Variants in SLC6A15 observed in about 807,000 individuals in gnomAD.
SLC6A15 encodes the protein solute carrier family 6 member 15.
Under a neutral mutation model 68.5 loss-of-function variants are expected in SLC6A15, and 33 were observed. That is an observed-to-expected ratio of 0.48 (90% CI 0.37 to 0.64). The LOEUF (loss-of-function observed/expected upper bound fraction) is 0.64, where lower values mean the gene tolerates loss of function less well. Among genes scored for constraint, SLC6A15 ranks in the 30% least tolerant of loss-of-function variants. SLC6A15 has a pLI of 0.00. For missense variants in SLC6A15, 747 were observed against 874.3 expected (o/e 0.85, Z 1.84); for synonymous variants, 347 against 301.0 (o/e 1.15, Z -1.58).
chr12:84,862,044 C>A, intron 11 of SLC6A15, 38 bp from the exon 12 acceptor site: 2 of 1,519,492 alleles, frequency 1.3e-6, no homozygotes, highest in East Asian at 2.3e-5. Flanking sequence ...AGTAATCTAT[C>A]TTTCTTTGCA....
At chr12:84,879,247 C>A (rs1364027984) in intron 5 of SLC6A15, among the ~76,000 whole-genome samples, 1 of 151,896 alleles carries the variant, frequency 6.6e-6, no homozygotes, top group East Asian at 1.9e-4. Context: ...ACCATCGAAC[C>A]CTACTCCAAA....
At chr12:84,906,078 T>C (rs920704426) in intron 1 of SLC6A15, among the ~76,000 whole-genome samples, 2 of 152,194 alleles carry the variant, frequency 1.3e-5, no homozygotes, top group Non-Finnish European at 2.9e-5. Flanking sequence ...AAATACCTTC[T>C]AGAGTAATAG....
Position 84,860,010 on chromosome 12 carries a change from A to G in SLC6A15, c.*1622T>C, listed in dbSNP as rs1870779465. 1 of 152,076 alleles carries G rather than the reference A, an allele frequency of 6.6e-6. No homozygotes were observed. Among genetic ancestry groups the G allele is most frequent in the Non-Finnish European group, 1.5e-5 (1 of 67,926 alleles). 9.4% of individuals were successfully genotyped at this position (152,076 alleles called of 1,614,324 possible). A position where few individuals can be genotyped will look rare whatever the true frequency, so the allele number is the denominator to read the frequency against. The stretch of plus-strand genomic sequence containing the variant: ...TTTTAGTTTTGTATAATGTGCATAT[A>G]CTGCCTATTTATAAAATATTAAACA... On this transcript the variant is annotated 3_prime_UTR_variant, in exon 12 of 12. Coordinates refer to ENST00000266682, the MANE Select transcript of SLC6A15 (RefSeq NM_182767.6).
chr12:84,905,905 G>T (rs1008006269), intron 1 of SLC6A15, among the ~76,000 whole-genome samples: 1 of 152,128 alleles, frequency 6.6e-6, no homozygotes, highest in African/African-American at 2.4e-5. Flanking sequence ...CAACCACTGT[G>T]CTCCAGTCCC....
At chr12:84,884,504 C>T (rs945863439) in intron 4 of SLC6A15, among the ~76,000 whole-genome samples, 1 of 152,008 alleles carries the variant, frequency 6.6e-6, no homozygotes, top group East Asian at 1.9e-4. Context: ...TGTTGTTTCA[C>T]CACATTGGCC....
intron 2 of SLC6A15, among the ~76,000 whole-genome samples, chr12:84,887,178 T>C (rs1006795645): frequency 6.6e-6 from 1 of 152,260 alleles, no homozygotes; most frequent in African/African-American, 2.4e-5. Flanking sequence ...TAGATACTGT[T>C]AAATGTAATG....
chr12:84,878,250 A>G (rs759035247), intron 5 of SLC6A15, among the ~76,000 whole-genome samples: 7 of 152,224 alleles, frequency 4.6e-5, no homozygotes, highest in Admixed American at 2.0e-4. Context: ...TAATTTTTTA[A>G]TAATTTCAAA....
intron 1 of SLC6A15, among the ~76,000 whole-genome samples, chr12:84,908,494 A>G (rs1300139243): frequency 6.6e-6 from 1 of 151,392 alleles, no homozygotes; most frequent in Non-Finnish European, 1.5e-5. Flanking sequence ...ATAAAACTCT[A>G]CCAAAGGTGT....
At chr12:84,888,628 G>C (rs1400204738) in intron 2 of SLC6A15, among the ~76,000 whole-genome samples, 1 of 152,040 alleles carries the variant, frequency 6.6e-6, no homozygotes, top group Non-Finnish European at 1.5e-5. Context: ...AATTGGGATG[G>C]GGGATACGGT....
In SLC6A15 at chr12:84,885,458, A is replaced by G; in HGVS notation, c.551T>C (p.Leu184Ser). ...ACAAGTGTGTGAAGCATTTTTCACC[A>G]AAGGACACTGATCCCAAGGCAGGGG... is the stretch of plus-strand genomic sequence containing the variant. ...QQPLPWDQCP[L>S]VKNASHTFVE... The change falls in exon 4 of 12, where the codon TTG becomes TCG. Residue 184 changes from leucine to serine, a missense_variant. Physicochemically the swap from Leu to Ser is moderately radical, Grantham distance 145. Transcript: ENST00000266682. The G allele has an allele frequency of 6.2e-7, 1 of 1,613,224 alleles. No individual in the cohort carries two copies. Among genetic ancestry groups the G allele is most frequent in the Non-Finnish European group, 8.5e-7 (1 of 1,179,574 alleles).
intron 4 of SLC6A15, 56 bp downstream of exon 4, chr12:84,885,379 C>G (rs922278528): frequency 1.4e-6 from 2 of 1,421,824 alleles, no homozygotes; most frequent in Non-Finnish European, 1.9e-6. Context: ...AAAGCTTGTA[C>G]CTTTGCCACT....
At chr12:84,862,452 C>CATCATTACA in intron 11 of SLC6A15, among the ~76,000 whole-genome samples, 1 of 152,126 alleles carries the variant, frequency 6.6e-6, no homozygotes, top group Non-Finnish European at 1.5e-5. Context: ...ATATATCTTT[C>CATCATTACA]TAAAATCTGG....
chr12:84,867,098 G>C lies in SLC6A15; in HGVS notation c.1591C>G (p.Leu531Val), dbSNP rs1009324775. The C allele has an allele frequency of 6.2e-7, 1 of 1,612,624 alleles. No individual in the cohort carries two copies. The highest frequency in any genetic ancestry group is 2.2e-5 in the East Asian group (1 of 44,700). ...VTMFDDYSAT[L>V]PLLIVVILEN... ...AAAATGACTACAATTAGCAGAGGCA[G>C]TGTAGCAGAATAATCATCAAACATT... is the stretch of plus-strand genomic sequence containing the variant. The change falls in exon 10 of 12, where the codon CTG becomes GTG. Residue 531 changes from leucine to valine, a missense_variant. By Grantham distance (32) the Leu-to-Val change is conservative. Transcript: ENST00000266682.
At chr12:84,872,561 T>C in intron 8 of SLC6A15, 41 bp downstream of exon 8, 1 of 1,537,702 alleles carries the variant, frequency 6.5e-7, no homozygotes, top group Non-Finnish European at 8.9e-7. Context: ...ATATTTCAAG[T>C]GAATGATAAT....
chr12:84,901,885 T>C (rs954180933), intron 1 of SLC6A15, among the ~76,000 whole-genome samples: 2 of 151,900 alleles, frequency 1.3e-5, no homozygotes, highest in Admixed American at 6.6e-5. Context: ...TAATTATTTA[T>C]AGATTCAAAT....
chr12:84,889,383 C>G (rs7310274), intron 2 of SLC6A15, among the ~76,000 whole-genome samples: 74,870 of 151,482 alleles, frequency 0.49, 21,467 homozygotes, highest in African/African-American at 0.78. Context: ...CCAGCTACTC[C>G]GGAGGCTGAG....
chr12:84,896,371 TA>T (rs952659076), intron 1 of SLC6A15, among the ~76,000 whole-genome samples: 204 of 143,956 alleles, frequency 1.4e-3, no homozygotes, highest in African/African-American at 2.7e-3. Flanking sequence ...CTGTATTTTG[TA>T]AAAAAAAAAA....
chr12:84,901,996 C>T (rs369879695), intron 1 of SLC6A15, among the ~76,000 whole-genome samples: 4 of 151,592 alleles, frequency 2.6e-5, no homozygotes, highest in Non-Finnish European at 4.4e-5. Context: ...AAATTGTCAC[C>T]GTATGCCAAT....
chr12:84,874,629 T>A (rs1331699591), intron 6 of SLC6A15: 1 of 152,220 alleles, frequency 6.6e-6, no homozygotes, highest in African/African-American at 2.4e-5. Flanking sequence ...TTAAACATAA[T>A]CATGATTATC....
Sources: gnomAD v4.1 joint callset for allele counts (sites outside exome capture counted in the v4.1 genomes callset) on GRCh38, gnomAD v4.1.1 for gene constraint, MANE v1.5 for transcripts, NCBI Gene and HGNC (gene_info 2026-07-23, HGNC 2026-07-21) for gene names.